Variants in ESYT3 observed in about 807,000 individuals in gnomAD.
The protein encoded by ESYT3 is extended synaptotagmin-3.
A neutral mutation model predicts 111.5 loss-of-function variants in ESYT3; 101 were observed. The ratio of observed to expected loss-of-function variants is 0.91; its 90% CI spans 0.77 to 1.07. The LOEUF is 1.07. Ranked by LOEUF, ESYT3 falls within the 50% of genes least tolerant of loss-of-function variation. The pLI, the probability that ESYT3 is intolerant of heterozygous loss-of-function variation, is 0.00. For synonymous variants in ESYT3, 416 were observed against 446.8 expected (o/e 0.93, Z 0.87); for missense variants, 1,097 against 1,109.4 (o/e 0.99, Z 0.16).
At chr3:138,474,465 G>C (rs978485508) in intron 20 of ESYT3, 113 bp downstream of exon 20, 1 of 1,213,032 alleles carries the variant, frequency 8.2e-7, no homozygotes, top group African/African-American at 1.5e-5. Flanking sequence ...GGCTGAACAA[G>C]ACAACATAGT....
At chr3:138,443,011 C>T (rs1007377594) in intron 1 of ESYT3, among the ~76,000 whole-genome samples, 5 of 152,188 alleles carry the variant, frequency 3.3e-5, no homozygotes, top group African/African-American at 1.2e-4. Context: ...TCTGAACTTA[C>T]TATCATCGCT....
chr3:138,449,283 G>T (rs906795189), intron 1 of ESYT3, among the ~76,000 whole-genome samples: 2 of 151,804 alleles, frequency 1.3e-5, no homozygotes, highest in Non-Finnish European at 2.9e-5. Flanking sequence ...ATGGAGTTTT[G>T]CCATGTTGGC....
At chr3:138,436,741 C>T (rs2030728065) in intron 1 of ESYT3, among the ~76,000 whole-genome samples, 1 of 152,188 alleles carries the variant, frequency 6.6e-6, no homozygotes, top group Non-Finnish European at 1.5e-5. Flanking sequence ...CCCTTGCACA[C>T]AGTTGAGGGA....
chr3:138,442,479 C>T (rs187619036), intron 1 of ESYT3, among the ~76,000 whole-genome samples: 3 of 152,170 alleles, frequency 2.0e-5, no homozygotes, highest in South Asian at 2.1e-4. Context: ...GTGGTGGTTC[C>T]TCTGTCCGCA....
chr3:138,457,481 T>C (rs2032355757), intron 3 of ESYT3, 87 bp from the exon 4 acceptor site: 4 of 1,180,806 alleles, frequency 3.4e-6, no homozygotes, highest in Non-Finnish European at 2.5e-6. Flanking sequence ...TGCTCGTTGC[T>C]GACAAAGCCC....
In ESYT3 at chr3:138,477,112, G is replaced by A; in HGVS notation, c.*258G>A. On this transcript the variant is annotated 3_prime_UTR_variant, in exon 23 of 23. Transcript: ENST00000389567. ...AAGTCCAGAAAGAAATGTTATATTT[G>A]TGCCTACTAAATTATCCAAACCTCA... 2 of 370,742 alleles carry A rather than the reference G, an allele frequency of 5.4e-6. No individual in the cohort carries two copies. Among genetic ancestry groups the A allele is most frequent in the South Asian group, 7.7e-5 (2 of 25,954 alleles). The allele number at this position is 370,742 out of a possible 1,614,324, so 23.0% of individuals were successfully genotyped here. A position where few individuals can be genotyped will look rare whatever the true frequency, so the allele number is the denominator to read the frequency against.
chr3:138,480,621 C>A (rs1576480423), downstream of ESYT3: 10 of 152,194 alleles, frequency 6.6e-5, 1 homozygote, highest in South Asian at 2.1e-3. Context: ...ATTCAACAAC[C>A]CCTATAAGAA....
chr3:138,472,742 T>G lies in ESYT3; in HGVS notation c.2120T>G (p.Met707Arg). Reference protein sequence around the residue: ...SPGPIKSPRPMKCPASPFAWP... With the variant: ...SPGPIKSPRPRKCPASPFAWP... The stretch of plus-strand genomic sequence containing the variant: ...GGGCCCATCAAGTCACCCAGACCCA[T>G]GAAATGCCCTGCCTCCCCATTCGCA... Residue 707 changes from methionine (M) to arginine (R), a missense_variant, in exon 18 of 23, where the codon ATG (methionine) becomes AGG (arginine). Coordinates refer to ENST00000389567, the MANE Select transcript of ESYT3 (RefSeq NM_031913.5). The G allele has an allele frequency of 6.2e-7, 1 of 1,614,152 alleles. No individual in the cohort carries two copies. The highest frequency in any genetic ancestry group is 8.5e-7 in the Non-Finnish European group (1 of 1,180,016).
In ESYT3 at chr3:138,435,953, G is replaced by A. The variant is rs1109088; in HGVS notation, c.327+828G>A. Among the ~76,000 whole-genome samples, 79,026 of 151,882 alleles carry A rather than the reference G, an allele frequency of 0.52. 21,442 individuals are homozygous for A. Among genetic ancestry groups the A allele is most frequent in the South Asian group, 0.64 (3,059 of 4,806 alleles). Reference sequence around the variant, plus strand: ...TGCGGCAAACCCTTACTGTCTCTCCGGTGCTGGGGCTCTTCGTTTTCAGAT... The same window carrying A: ...TGCGGCAAACCCTTACTGTCTCTCCAGTGCTGGGGCTCTTCGTTTTCAGAT... On this transcript the variant is annotated intron_variant, in intron 1 of 22. Coordinates refer to ENST00000389567, the MANE Select transcript of ESYT3 (RefSeq NM_031913.5). This position sits in a 1 kb window ranked among gnomAD's most constrained non-coding sequence, Gnocchi z 4.8.
chr3:138,474,203 T>C lies in ESYT3; in HGVS notation c.2337-18T>C. On this transcript the variant is annotated intron_variant, in intron 19 of 22. Coordinates refer to ENST00000389567, the MANE Select transcript of ESYT3 (RefSeq NM_031913.5). ...GGGCCCTTTTTTTTTTTTCCTAATG[T>C]CTTTGACACCAAATCAGAAACCTAA... 6.2e-7 allele frequency: 1 copy of C among 1,604,620 alleles called. No individual in the cohort carries two copies. Among genetic ancestry groups the C allele is most frequent in the Non-Finnish European group, 8.5e-7 (1 of 1,177,584 alleles).
At chr3:138,460,546 C>T in intron 6 of ESYT3, 65 bp from the exon 7 acceptor site, 1 of 1,545,778 alleles carries the variant, frequency 6.5e-7, no homozygotes, top group Non-Finnish European at 8.9e-7. Flanking sequence ...AGGCTCTTGG[C>T]AGGGGGTTCT....
intron 1 of ESYT3, among the ~76,000 whole-genome samples, chr3:138,450,538 G>A (rs1186649723): frequency 6.6e-6 from 1 of 152,180 alleles, no homozygotes; most frequent in Non-Finnish European, 1.5e-5. Flanking sequence ...AGTTAGTATA[G>A]GCCACTGCCC....
intron 1 of ESYT3, among the ~76,000 whole-genome samples, chr3:138,438,550 G>T (rs58059555): frequency 6.6e-6 from 1 of 152,154 alleles, no homozygotes; most frequent in Admixed American, 6.5e-5. Context: ...GGCAGCCATC[G>T]TCAGCCAGTC....
intron 15 of ESYT3, 76 bp downstream of exon 15, chr3:138,469,580 A>G (rs2033113278): frequency 2.0e-5 from 25 of 1,270,898 alleles, no homozygotes; most frequent in Non-Finnish European, 2.6e-5. Flanking sequence ...GGCAAAAGGG[A>G]GGGGAATTAA....
intron 1 of ESYT3, among the ~76,000 whole-genome samples, chr3:138,451,825 C>T (rs2031948439): frequency 6.7e-6 from 1 of 149,594 alleles, no homozygotes; most frequent in Non-Finnish European, 1.5e-5. Context: ...GCTGCCTGCT[C>T]CACTGGATAG....
intron 1 of ESYT3, among the ~76,000 whole-genome samples, chr3:138,443,002 C>T (rs888475890): frequency 1.3e-5 from 2 of 152,180 alleles, no homozygotes; most frequent in Non-Finnish European, 2.9e-5. Context: ...ATTGAACTCT[C>T]TGAACTTACT....
At chr3:138,457,387 AG>A (rs1457194284) in intron 3 of ESYT3, among the ~76,000 whole-genome samples, 180 bp from the exon 4 acceptor site, 1 of 152,140 alleles carries the variant, frequency 6.6e-6, no homozygotes, top group African/African-American at 2.4e-5. Flanking sequence ...GAGAGAAAGG[AG>A]GGGGCACATT....
chr3:138,472,840 G>A lies in ESYT3; in HGVS notation c.2218G>A (p.Asp740Asn). The A allele has an allele frequency of 6.2e-7, 1 of 1,614,018 alleles. No homozygotes were observed. Among genetic ancestry groups the A allele is most frequent in the Admixed American group, 1.7e-5 (1 of 60,026 alleles). The change falls in exon 18 of 23, where the codon GAT (aspartate) becomes AAT (asparagine). Residue 740 changes from aspartate to asparagine, a missense_variant. Transcript: ENST00000389567. ...SLASSCFDLA[D>N]ISLNIEGGDL... is the part of the protein sequence containing the mutation. ...GGCCTCTTCTTGCTTTGACCTGGCAGATATCAGCCTCAACATTGAGTATGC... is the reference window on the plus strand; with the variant it reads ...GGCCTCTTCTTGCTTTGACCTGGCAAATATCAGCCTCAACATTGAGTATGC...
chr3:138,446,024 G>A (rs531299549), intron 1 of ESYT3, among the ~76,000 whole-genome samples: 1 of 152,312 alleles, frequency 6.6e-6, no homozygotes, highest in South Asian at 2.1e-4. Context: ...GATCACATGG[G>A]TAATCTTGTT....
Sources: gnomAD v4.1 joint callset for allele counts (sites outside exome capture counted in the v4.1 genomes callset) on GRCh38, gnomAD v4.1.1 for gene constraint, Gnocchi (gnomAD v3.1) non-coding constraint, MANE v1.5 for transcripts, NCBI Gene and HGNC (gene_info 2026-07-23, HGNC 2026-07-21) for gene names.